Variants in HEPACAM2 observed in about 807,000 individuals in gnomAD.
HEPACAM2 encodes the protein mitotic kinetics regulator.
In HEPACAM2, 49 loss-of-function variants were observed where a neutral mutation model predicts 49.6. That is an observed-to-expected ratio of 0.99 (90% CI 0.78 to 1.25). The LOEUF is 1.25. HEPACAM2 is among the 50% of genes most tolerant of loss of function. HEPACAM2 has a pLI of 0.00. For synonymous variants in HEPACAM2, 197 were observed against 202.9 expected (o/e 0.97, Z 0.25); for missense variants, 525 against 557.2 (o/e 0.94, Z 0.58).
At chr7:93,208,445 G>C (rs1794084104) in intron 4 of HEPACAM2, 135 bp downstream of exon 4, 2 of 763,016 alleles carry the variant, frequency 2.6e-6, no homozygotes, top group African/African-American at 1.8e-5. Context: ...AGTTAACTTT[G>C]GAAAGAGAGA....
intron 1 of HEPACAM2, among the ~76,000 whole-genome samples, chr7:93,220,042 C>T (rs886471115): frequency 1.3e-5 from 2 of 152,056 alleles, no homozygotes; most frequent in African/African-American, 4.8e-5. Context: ...ATTTGAGAAA[C>T]AGCAAGAGGC....
rs566964262 is a variant in HEPACAM2, at chr7:93,197,827, G to A, written c.1013-217C>T. ...GGATACCTGTGATTGGAAACGTGGTGCACTGCCCAAGTTAAAACTGACTGT... is the reference window on the plus strand; with the variant it reads ...GGATACCTGTGATTGGAAACGTGGTACACTGCCCAAGTTAAAACTGACTGT... On this transcript the variant is annotated intron_variant, in intron 4 of 9. Transcript: ENST00000394468. 2.6e-5 allele frequency among the ~76,000 whole-genome samples: 4 copies of A among 152,172 alleles called. No individual in the cohort carries two copies. In the East Asian group the frequency reaches 5.8e-4, roughly 22 times the overall value.
intron 4 of HEPACAM2, among the ~76,000 whole-genome samples, chr7:93,202,149 A>G (rs2116659009): frequency 6.6e-6 from 1 of 150,668 alleles, no homozygotes; most frequent in Non-Finnish European, 1.5e-5. Context: ...CATATATCGT[A>G]TGATTTGGGC....
chr7:93,212,688 A>C (rs968874321), intron 3 of HEPACAM2, among the ~76,000 whole-genome samples: 2 of 152,016 alleles, frequency 1.3e-5, no homozygotes, highest in Non-Finnish European at 2.9e-5. Flanking sequence ...ATTTAACTAC[A>C]TCTCACACTC....
At chr7:93,223,570 A>G (rs1471311237) in intron 1 of HEPACAM2, among the ~76,000 whole-genome samples, 2 of 152,186 alleles carry the variant, frequency 1.3e-5, no homozygotes, top group Non-Finnish European at 2.9e-5. Flanking sequence ...AATACCTTAA[A>G]TAATATATTG....
At chr7:93,223,791 A>G (rs914777321) in intron 1 of HEPACAM2, among the ~76,000 whole-genome samples, 6 of 152,194 alleles carry the variant, frequency 3.9e-5, no homozygotes, top group Admixed American at 3.9e-4. Flanking sequence ...AATTTTCTTT[A>G]TACAGTATCT....
At position 93,194,921 on chromosome 7, in the gene HEPACAM2, CTTT is replaced by C. The variant is rs80158728; in HGVS notation, c.1275+904_1275+906del. On this transcript the variant is annotated intron_variant, in intron 8 of 9. Coordinates refer to ENST00000394468, the MANE Select transcript of HEPACAM2 (RefSeq NM_001039372.4). Reference sequence around the variant, plus strand: ...AGAAAAACTGATTACTTTAAAAGATCTTTTTTTTTTTTTTTTTTCCGGACTGAA... The same window carrying C: ...AGAAAAACTGATTACTTTAAAAGATCTTTTTTTTTTTTTTTCCGGACTGAA... Among the ~76,000 whole-genome samples the C allele has an allele frequency of 6.8e-5, 8 of 118,160 alleles. No homozygotes were observed. The South Asian group carries it at 1.4e-3, about 20-fold the overall frequency. 77.5% of individuals were successfully genotyped at this position (118,160 alleles called of 152,430 possible).
intron 4 of HEPACAM2, among the ~76,000 whole-genome samples, chr7:93,206,802 C>T (rs1448208356): frequency 4.0e-5 from 6 of 151,896 alleles, no homozygotes; most frequent in Admixed American, 6.6e-5. Flanking sequence ...CCCAAAATAC[C>T]GAGGTGATTT....
intron 2 of HEPACAM2, among the ~76,000 whole-genome samples, chr7:93,215,915 G>T (rs907669060): frequency 2.6e-5 from 4 of 152,096 alleles, no homozygotes; most frequent in Non-Finnish European, 4.4e-5. Context: ...TCAAATTCCA[G>T]AACTTACTTT....
At chr7:93,213,484 G>A (rs1794228047) in intron 3 of HEPACAM2, among the ~76,000 whole-genome samples, 1 of 152,028 alleles carries the variant, frequency 6.6e-6, no homozygotes, top group Non-Finnish European at 1.5e-5. Flanking sequence ...AAAAAAAAGT[G>A]CCAAAGCACT....
intron 3 of HEPACAM2, among the ~76,000 whole-genome samples, chr7:93,209,496 T>C (rs1794122098): frequency 6.6e-6 from 1 of 151,966 alleles, no homozygotes; most frequent in Admixed American, 6.6e-5. Flanking sequence ...TGCCGTTAAT[T>C]ATAGTCACCC....
rs549652489 is a variant in HEPACAM2, at chr7:93,208,956, A to G, written c.716-80T>C. 5.5e-6 allele frequency: 7 copies of G among 1,265,840 alleles called. No individual in the cohort carries two copies. The South Asian group carries it at 8.6e-5, about 15-fold the overall frequency. The allele number at this position is 1,265,840 out of a possible 1,614,324, so 78.4% of individuals were successfully genotyped here. On this transcript the variant is annotated intron_variant, in intron 3 of 9. Transcript: ENST00000394468. ...TTTGAGTTTGGGAGAGCTTAGTAGC[A>G]TTTTACTGTTTTTGAAAATTTTCAT...
At chr7:93,223,033 G>A (rs1430356127) in intron 1 of HEPACAM2, among the ~76,000 whole-genome samples, 2 of 152,180 alleles carry the variant, frequency 1.3e-5, no homozygotes, top group Admixed American at 1.3e-4. Context: ...AAAGCTGCAT[G>A]GCTGCTAATA....
intron 4 of HEPACAM2, among the ~76,000 whole-genome samples, chr7:93,198,017 G>A (rs1189180781): frequency 1.3e-5 from 2 of 151,884 alleles, no homozygotes; most frequent in Admixed American, 6.6e-5. Flanking sequence ...AATTTTCTAG[G>A]GAGATGGTAT....
chr7:93,225,021 T>C (rs1794514441), intron 1 of HEPACAM2, among the ~76,000 whole-genome samples: 1 of 152,156 alleles, frequency 6.6e-6, no homozygotes, highest in South Asian at 2.1e-4. Context: ...GGTCTTAAGG[T>C]ATAAAAACTG....
At chr7:93,211,639 C>T (rs1455974110) in intron 3 of HEPACAM2, among the ~76,000 whole-genome samples, 1 of 151,952 alleles carries the variant, frequency 6.6e-6, no homozygotes, top group East Asian at 1.9e-4. Context: ...ATCTCAGGCC[C>T]TGTGGTTCAG....
chr7:93,215,704 T>C lies in HEPACAM2; in HGVS notation c.431-19A>G. 1 of 1,599,046 alleles carries C rather than the reference T, an allele frequency of 6.3e-7. No homozygotes were observed. The highest frequency in any genetic ancestry group is 8.5e-7 in the Non-Finnish European group (1 of 1,170,544). On this transcript the variant is annotated intron_variant, in intron 2 of 9. Transcript: ENST00000394468. ...ACAGGATCTGCAATATTAAGAGAGA[T>C]ATGAATGATTTTTTCTTTTCATGGA...
In HEPACAM2 at chr7:93,192,251, T is replaced by C. The variant is rs1490740528; in HGVS notation, c.1385+3A>G. ...GCACCATCAAATGCAGATTCGTACT[T>C]ACTCTGGATGGTCTTGCTGCTGGGC... On this transcript the variant is annotated splice_donor_region_variant and intron_variant, in intron 9 of 9. Transcript: ENST00000394468. 1 of 1,605,556 alleles carries C rather than the reference T, an allele frequency of 6.2e-7. No homozygotes were observed. The highest frequency in any genetic ancestry group is 1.3e-5 in the African/African-American group (1 of 74,710).
chr7:93,200,843 C>G (rs1318259469), intron 4 of HEPACAM2, among the ~76,000 whole-genome samples: 1 of 152,102 alleles, frequency 6.6e-6, no homozygotes, highest in Non-Finnish European at 1.5e-5. Flanking sequence ...TATTCTAGTT[C>G]AGGCTTGCAG....
Sources: gnomAD v4.1 joint callset for allele counts (sites outside exome capture counted in the v4.1 genomes callset) on GRCh38, gnomAD v4.1.1 for gene constraint, MANE v1.5 for transcripts, NCBI Gene and HGNC (gene_info 2026-07-23, HGNC 2026-07-21) for gene names.